The following HSDL2 variants were observed in gnomAD, a reference collection of about 807,000 sequenced individuals.
The protein encoded by HSDL2 is hydroxysteroid dehydrogenase-like protein 2.
A neutral mutation model predicts 46.3 loss-of-function variants in HSDL2; 27 were observed. That is an observed-to-expected ratio of 0.58 (90% CI 0.43 to 0.80). The LOEUF (loss-of-function observed/expected upper bound fraction) is 0.80, where lower values mean the gene tolerates loss of function less well. HSDL2 is among the 30% of genes least tolerant of loss of function. The pLI, the probability that HSDL2 is intolerant of heterozygous loss-of-function variation, is 0.00. For synonymous variants in HSDL2, 153 were observed against 163.6 expected (o/e 0.94, Z 0.50); for missense variants, 451 against 502.7 (o/e 0.90, Z 0.98).
At chr9:112,403,105 G>A (rs185136453) in intron 1 of HSDL2, among the ~76,000 whole-genome samples, 5 of 152,254 alleles carry the variant, frequency 3.3e-5, no homozygotes, top group South Asian at 2.1e-4. Context: ...TGTGATTCAC[G>A]TACCCCACTA....
chr9:112,389,177 C>G (rs1371336606), intron 1 of HSDL2, among the ~76,000 whole-genome samples: 1 of 152,160 alleles, frequency 6.6e-6, no homozygotes, highest in Non-Finnish European at 1.5e-5. Flanking sequence ...CAGGCACACA[C>G]TGCCACACAT....
intron 6 of HSDL2, among the ~76,000 whole-genome samples, chr9:112,432,355 C>T (rs566297146): frequency 2.6e-5 from 4 of 152,298 alleles, no homozygotes; most frequent in Admixed American, 2.6e-4. Flanking sequence ...TATGGTTGTT[C>T]AGTGTCTTCT....
At chr9:112,384,214 A>G (rs2132587590) in intron 1 of HSDL2, among the ~76,000 whole-genome samples, 1 of 149,110 alleles carries the variant, frequency 6.7e-6, no homozygotes, top group South Asian at 2.1e-4. Flanking sequence ...TTGGGGTACC[A>G]GAGAATTTTA....
chr9:112,384,400 G>GC (rs1831175077), intron 1 of HSDL2, among the ~76,000 whole-genome samples: 1 of 151,932 alleles, frequency 6.6e-6, no homozygotes, highest in South Asian at 2.1e-4. Context: ...TTTTTTTTCT[G>GC]CCAATGCCAG....
chr9:112,388,289 C>T (rs767318123), intron 1 of HSDL2, among the ~76,000 whole-genome samples: 8 of 151,464 alleles, frequency 5.3e-5, no homozygotes, highest in East Asian at 1.9e-4. Context: ...GGTGAAATCC[C>T]GTCTCTACTA....
At chr9:112,451,371 A>G (rs1317865735) in intron 8 of HSDL2, among the ~76,000 whole-genome samples, 4 of 152,216 alleles carry the variant, frequency 2.6e-5, no homozygotes, top group Non-Finnish European at 5.9e-5. Flanking sequence ...GTATTAGGTT[A>G]TTGTCACTGA....
intron 4 of HSDL2, among the ~76,000 whole-genome samples, chr9:112,410,152 T>G (rs1831827676): frequency 6.6e-6 from 1 of 152,230 alleles, no homozygotes; most frequent in Non-Finnish European, 1.5e-5. Flanking sequence ...ATGTAGACTA[T>G]CGAATGAAAG....
At position 112,459,484 on chromosome 9, in the gene HSDL2, A is replaced by C. The variant is rs1453068490; in HGVS notation, c.1051A>C (p.Ser351Arg). The C allele has an allele frequency of 3.1e-6, 5 of 1,614,046 alleles. No individual in the cohort carries two copies. Among genetic ancestry groups the C allele is most frequent in the Non-Finnish European group, 4.2e-6 (5 of 1,179,936 alleles). ...DGGTWFLDLK[S>R]KGGNVGYGEP... ...TGGCACGTGGTTTCTTGATCTGAAA[A>C]GCAAGGGTGGGAATGTCGGATATGG... is the stretch of plus-strand genomic sequence containing the variant. The change falls in exon 10 of 11, where the codon AGC becomes CGC. Residue 351 changes from serine (S) to arginine (R), a missense_variant. Coordinates refer to ENST00000398805, the MANE Select transcript of HSDL2 (RefSeq NM_032303.5).
chr9:112,387,095 G>T (rs1373955221), intron 1 of HSDL2, among the ~76,000 whole-genome samples: 2 of 152,088 alleles, frequency 1.3e-5, no homozygotes, highest in Non-Finnish European at 2.9e-5. Flanking sequence ...GTGATATTGA[G>T]AAATTATTGT....
At chr9:112,404,386 G>T (rs77934522) in intron 2 of HSDL2, among the ~76,000 whole-genome samples, 1,522 of 152,106 alleles carry the variant, frequency 0.01, 27 homozygotes, top group African/African-American at 0.035. Flanking sequence ...ATTTCATGGC[G>T]GGGCGTGGTG....
At chr9:112,405,472 T>G (rs985175347) in intron 2 of HSDL2, 152 bp from the exon 3 acceptor site, 37 of 536,308 alleles carry the variant, frequency 6.9e-5, no homozygotes, top group Non-Finnish European at 1.1e-4. Flanking sequence ...TAGTCTGTCC[T>G]GCTATATGGT....
At chr9:112,409,123 A>C in intron 4 of HSDL2, 102 bp downstream of exon 4, 1 of 641,600 alleles carries the variant, frequency 1.6e-6, no homozygotes, top group Non-Finnish European at 2.8e-6. Flanking sequence ...TGTAGTTCAA[A>C]ATCTAGTCAA....
intron 8 of HSDL2, among the ~76,000 whole-genome samples, chr9:112,443,761 C>T (rs1247367759): frequency 6.6e-6 from 1 of 152,156 alleles, no homozygotes; most frequent in Non-Finnish European, 1.5e-5. Flanking sequence ...CATTCTTTCC[C>T]CTGATAATCC....
At chr9:112,394,678 C>G (rs1354252288) in intron 1 of HSDL2, among the ~76,000 whole-genome samples, 1 of 152,152 alleles carries the variant, frequency 6.6e-6, no homozygotes, top group Non-Finnish European at 1.5e-5. Context: ...AGGCCGGAGA[C>G]CAAATGTCCC....
At chr9:112,453,480 C>A (rs948849923) in intron 8 of HSDL2, among the ~76,000 whole-genome samples, 1 of 152,176 alleles carries the variant, frequency 6.6e-6, no homozygotes, top group Non-Finnish European at 1.5e-5. Context: ...GCAGCCTCTA[C>A]CTCCCAGGCT....
At chr9:112,394,280 G>A (rs1831411816) in intron 1 of HSDL2, among the ~76,000 whole-genome samples, 1 of 151,968 alleles carries the variant, frequency 6.6e-6, no homozygotes, top group Non-Finnish European at 1.5e-5. Context: ...CTCAGAATGG[G>A]GAATATCATA....
chr9:112,427,343 A>G, intron 6 of HSDL2, among the ~76,000 whole-genome samples: 1 of 152,292 alleles, frequency 6.6e-6, no homozygotes, highest in Middle Eastern at 3.4e-3. Context: ...GCCTGAGCCA[A>G]TGCGCCTGGC....
chr9:112,427,302 G>A (rs1174006016), intron 6 of HSDL2, among the ~76,000 whole-genome samples: 6 of 152,102 alleles, frequency 3.9e-5, no homozygotes, highest in African/African-American at 7.2e-5. Flanking sequence ...TGATCCACCC[G>A]CCTCGGCCTC....
chr9:112,393,366 C>T (rs1481883365), intron 1 of HSDL2, among the ~76,000 whole-genome samples: 1 of 152,192 alleles, frequency 6.6e-6, no homozygotes, highest in East Asian at 1.9e-4. Context: ...TGGTGTGATA[C>T]AGAAATCAGA....
Sources: allele counts gnomAD v4.1 joint callset (sites outside exome capture counted in the v4.1 genomes callset), GRCh38; gene constraint gnomAD v4.1.1; transcripts MANE v1.5; gene names NCBI Gene and HGNC (gene_info 2026-07-23, HGNC 2026-07-21).